CPD: variants seen among roughly 807,000 people sequenced by gnomAD.
The protein encoded by CPD is carboxypeptidase D.
In CPD, 69 loss-of-function variants were observed where a neutral mutation model predicts 138.3. The ratio of observed to expected loss-of-function variants is 0.50; its 90% confidence interval spans 0.41 to 0.61. CPD has a LOEUF of 0.61. Among genes scored for constraint, CPD ranks in the 20% least tolerant of loss-of-function variants. CPD has a pLI of 0.00. For missense variants in CPD, 1,432 were observed against 1,733.3 expected (o/e 0.83, Z 3.09); for synonymous variants, 651 against 642.1 (o/e 1.01, Z -0.21).
At chr17:30,392,225 C>A (rs7208716) in intron 2 of CPD, among the ~76,000 whole-genome samples, 2 of 151,294 alleles carry the variant, frequency 1.3e-5, no homozygotes, top group African/African-American at 2.4e-5. Flanking sequence ...GACCAGGCTG[C>A]TCTCTAACTC....
intron 2 of CPD, among the ~76,000 whole-genome samples, chr17:30,394,823 G>A (rs1322764531): frequency 6.6e-6 from 1 of 152,080 alleles, no homozygotes; most frequent in African/African-American, 2.4e-5. Context: ...TTTTGAGCTT[G>A]GATTAGAAAG....
At chr17:30,414,801 T>G (rs1246155762) in intron 2 of CPD, among the ~76,000 whole-genome samples, 1 of 152,190 alleles carries the variant, frequency 6.6e-6, no homozygotes, top group East Asian at 1.9e-4. Context: ...TGCCATTAAC[T>G]GCAGTGGGAA....
intron 6 of CPD, among the ~76,000 whole-genome samples, chr17:30,426,271 A>G (rs1912406404): frequency 6.6e-6 from 1 of 151,938 alleles, no homozygotes; most frequent in Non-Finnish European, 1.5e-5. Flanking sequence ...AAAACAGTTC[A>G]TTGAGACCAT....
chr17:30,380,420 A>C (rs1911009382), intron 1 of CPD: 1 of 1,159,362 alleles, frequency 8.6e-7, no homozygotes, highest in African/African-American at 1.6e-5. Flanking sequence ...ACTTAGCTGG[A>C]GAACTTGCAC....
At chr17:30,425,853 A>G (rs1912391514) in intron 6 of CPD, among the ~76,000 whole-genome samples, 1 of 152,206 alleles carries the variant, frequency 6.6e-6, no homozygotes, top group Admixed American at 6.5e-5. Context: ...TCTGTTCAAA[A>G]TATCTGGAAG....
rs1305510654 is a variant in CPD, at chr17:30,446,002, A to G, written c.2855A>G (p.His952Arg). The G allele has an allele frequency of 1.9e-6, 3 of 1,603,226 alleles. No homozygotes were observed. Among genetic ancestry groups the G allele is most frequent in the Admixed American group, 3.4e-5 (2 of 58,122 alleles). Residue 952 changes from histidine to arginine, a missense_variant, in exon 12 of 21, where the codon CAT becomes CGT. His to Arg is a conservative substitution (Grantham distance 29). Around this residue, in one of 6 missense-constraint regions of CPD, gnomAD observed 124 missense variants for 117.0 expected, o/e 1.06. Transcript: ENST00000225719. ...AGAGGACTTGTAATGAACTATCCAC[A>G]TATTACAAATCTTACCAAGTAAGTG... ...FLRGLVMNYP[H>R]ITNLTNLGQS...
At chr17:30,444,240 C>T (rs762975755) in intron 11 of CPD, 4 of 275,200 alleles carry the variant, frequency 1.5e-5, no homozygotes, top group Non-Finnish European at 2.1e-5. Flanking sequence ...TTAAACAAGA[C>T]ATTTTAGAAT....
chr17:30,392,158 C>T (rs957652685), intron 2 of CPD, among the ~76,000 whole-genome samples: 6 of 151,900 alleles, frequency 3.9e-5, no homozygotes, highest in African/African-American at 1.5e-4. Context: ...TACAAGCATG[C>T]ACCACTACGC....
At chr17:30,418,208 T>TCTTA (rs1912169023) in intron 2 of CPD, among the ~76,000 whole-genome samples, 2 of 151,914 alleles carry the variant, frequency 1.3e-5, no homozygotes, top group Non-Finnish European at 2.9e-5. Flanking sequence ...CCAAGATAGG[T>TCTTA]CTTACTTTGT....
intron 9 of CPD, among the ~76,000 whole-genome samples, chr17:30,440,575 T>C (rs1912835244): frequency 6.7e-6 from 1 of 149,200 alleles, no homozygotes; most frequent in South Asian, 2.1e-4. Flanking sequence ...CCATCTTGAA[T>C]TGATTTTTGT....
rs757878982 is a variant in CPD, at chr17:30,420,887, C to G, written c.1041C>G (p.Ile347Met). The G allele has an allele frequency of 7.6e-5, 123 of 1,612,324 alleles. No individual in the cohort carries two copies. Among genetic ancestry groups the G allele is most frequent in the Non-Finnish European group, 3.4e-6 (4 of 1,179,062 alleles). Residue 347 changes from isoleucine to methionine, a missense_variant, in exon 3 of 21, where the codon ATC becomes ATG. Ile to Met is a conservative substitution (Grantham distance 10, BLOSUM62 1). Transcript: ENST00000225719. ...YNYVWANCFE[I>M]TLELSCCKYP... ...ATGTGTGGGCCAACTGTTTTGAGAT[C>G]ACATTAGAACTGTCTTGTTGCAAGT...
chr17:30,434,173 C>A (rs960717813), intron 8 of CPD, among the ~76,000 whole-genome samples: 10 of 152,162 alleles, frequency 6.6e-5, no homozygotes, highest in Admixed American at 4.6e-4. Flanking sequence ...TATGTGATAA[C>A]CTATCTCCCA....
At chr17:30,389,044 C>T (rs1396510022) in intron 2 of CPD, among the ~76,000 whole-genome samples, 1 of 152,190 alleles carries the variant, frequency 6.6e-6, no homozygotes, top group Non-Finnish European at 1.5e-5. Flanking sequence ...GCCCCCGAAG[C>T]ACAGCCCCAG....
intron 8 of CPD, among the ~76,000 whole-genome samples, chr17:30,436,332 A>G (rs1485768314): frequency 6.6e-6 from 1 of 152,178 alleles, no homozygotes; most frequent in Non-Finnish European, 1.5e-5. Context: ...AAATAAATAG[A>G]TGACCCACAG....
At chr17:30,423,179 CA>C (rs1472728948) in intron 5 of CPD, among the ~76,000 whole-genome samples, 156 bp downstream of exon 5, 1 of 152,098 alleles carries the variant, frequency 6.6e-6, no homozygotes, top group Non-Finnish European at 1.5e-5. Flanking sequence ...AAAATGTAAC[CA>C]ATCTTTTCCC....
intron 1 of CPD, among the ~76,000 whole-genome samples, chr17:30,384,291 A>G (rs1314887691): frequency 6.6e-6 from 1 of 152,216 alleles, no homozygotes; most frequent in Non-Finnish European, 1.5e-5. Context: ...GTATATTGTG[A>G]AACTGGAGTG....
At position 30,412,667 on chromosome 17, in the gene CPD, G is replaced by A. The variant is rs116313572; in HGVS notation, c.995-8174G>A. ...AGTAGCAGTGAATAAGGCTTCGTGGGTGTGGGACCCACCGAGCCAGGCACA... is the reference window on the plus strand; with the variant it reads ...AGTAGCAGTGAATAAGGCTTCGTGGATGTGGGACCCACCGAGCCAGGCACA... On this transcript the variant is annotated intron_variant, in intron 2 of 20. Coordinates refer to ENST00000225719, the MANE Select transcript of CPD (RefSeq NM_001304.5). Among the ~76,000 whole-genome samples the A allele has an allele frequency of 6.3e-3, 964 of 152,280 alleles. 11 individuals carry two copies. The highest frequency in any genetic ancestry group is 0.022 in the African/African-American group (930 of 41,552).
intron 2 of CPD, among the ~76,000 whole-genome samples, chr17:30,417,101 C>CA (rs752972071): frequency 0.026 from 2,780 of 106,170 alleles, 78 homozygotes; most frequent in African/African-American, 0.086. Flanking sequence ...ACTCAGTCTC[C>CA]AAAAAAAAAA....
At chr17:30,380,356 C>T (rs974477877) in intron 1 of CPD, 1 of 557,830 alleles carries the variant, frequency 1.8e-6, no homozygotes, top group Non-Finnish European at 2.4e-6. Flanking sequence ...GCCTATTTGA[C>T]AGAAGCTGAT....
Sources: gnomAD v4.1 joint callset for allele counts (sites outside exome capture counted in the v4.1 genomes callset) on GRCh38, gnomAD v4.1.1 for gene constraint, gnomAD v4.1.1 regional missense constraint, MANE v1.5 for transcripts, NCBI Gene and HGNC (gene_info 2026-07-23, HGNC 2026-07-21) for gene names.